The following PHTF2 variants were observed in gnomAD, a reference collection of about 807,000 sequenced individuals.
The protein encoded by PHTF2 is putative homeodomain transcription factor 2.
In PHTF2, 60 loss-of-function variants were observed where a neutral mutation model predicts 101.2. That is an observed-to-expected ratio of 0.59 (90% CI 0.48 to 0.73). The LOEUF is 0.73. Among genes scored for constraint, PHTF2 ranks in the 30% least tolerant of loss-of-function variants. The pLI is 0.00. For missense variants in PHTF2, 747 were observed against 908.7 expected (o/e 0.82, Z 2.29); for synonymous variants, 311 against 307.3 (o/e 1.01, Z -0.13).
chr7:77,940,756 A>G (rs1805576947), intron 15 of PHTF2, 97 bp downstream of exon 14: 1 of 813,214 alleles, frequency 1.2e-6, no homozygotes, highest in Non-Finnish European at 1.8e-6. Context: ...ATGTATAGTA[A>G]CCAGCTTTTA....
intron 1 of PHTF2, among the ~76,000 whole-genome samples, chr7:77,833,656 C>T (rs1343917867): frequency 6.6e-6 from 1 of 152,040 alleles, no homozygotes; most frequent in Non-Finnish European, 1.5e-5. Context: ...GTGTGATATA[C>T]TTCTCAGCAG....
chr7:77,937,639 C>A (rs990161599), intron 12 of PHTF2, 71 bp from the exon 12 acceptor site: 1 of 520,276 alleles, frequency 1.9e-6, no homozygotes, highest in Non-Finnish European at 3.1e-6. Context: ...GATATATATA[C>A]AACTTTATAT....
chr7:77,829,436 T>G (rs1379362795), intron 1 of PHTF2, among the ~76,000 whole-genome samples: 1 of 152,254 alleles, frequency 6.6e-6, no homozygotes, highest in African/African-American at 2.4e-5. Flanking sequence ...GCATTTTGTT[T>G]AAAATTACAA....
At chr7:77,877,951 G>C (rs1017215912) in intron 3 of PHTF2, among the ~76,000 whole-genome samples, 1 of 152,162 alleles carries the variant, frequency 6.6e-6, no homozygotes, top group Non-Finnish European at 1.5e-5. Flanking sequence ...TTGGGGGAAG[G>C]GGATGTGCAG....
intron 2 of PHTF2, among the ~76,000 whole-genome samples, chr7:77,847,692 ATTTC>A (rs1193593097): frequency 2.6e-5 from 4 of 152,196 alleles, no homozygotes; most frequent in Non-Finnish European, 5.9e-5. Context: ...AGCATTTATC[ATTTC>A]TTTGTGTTCC....
At chr7:77,880,222 A>G (rs1433044314) in intron 3 of PHTF2, among the ~76,000 whole-genome samples, 6 of 152,174 alleles carry the variant, frequency 3.9e-5, no homozygotes, top group Non-Finnish European at 4.4e-5. Context: ...GCCATAATGT[A>G]TTTATTAAGC....
At chr7:77,895,546 A>G (rs984169794) in intron 5 of PHTF2, among the ~76,000 whole-genome samples, 22 of 152,154 alleles carry the variant, frequency 1.4e-4, no homozygotes, top group Admixed American at 1.3e-3. Context: ...TTGAGAGGTT[A>G]TGTTATCAGG....
chr7:77,802,775 C>T (rs115601534), intron 1 of PHTF2, among the ~76,000 whole-genome samples: 2,038 of 152,272 alleles, frequency 0.013, 50 homozygotes, highest in African/African-American at 0.046. Flanking sequence ...AAGTGATTTT[C>T]CCATCTTGGC....
rs184850548 is a variant in PHTF2 at position 77,813,497 on chromosome 7, A to T, written c.-36+14526A>T. On this transcript the variant is annotated intron_variant, in intron 1 of 19. Transcript: ENST00000416283. ...AAGATGATTGGATTAAAGAGAGGAG[A>T]TGGAGAAGTGGGAGTAGATAGCAGT... is the stretch of plus-strand genomic sequence containing the variant. Among the ~76,000 whole-genome samples, 11 of 152,298 alleles carry T rather than the reference A, an allele frequency of 7.2e-5. No individual in the cohort carries two copies. The East Asian group carries it at 1.7e-3, about 24-fold the overall frequency.
intron 11 of PHTF2, among the ~76,000 whole-genome samples, chr7:77,924,904 A>G (rs1406735712): frequency 6.6e-6 from 1 of 152,090 alleles, no homozygotes; most frequent in Non-Finnish European, 1.5e-5. Flanking sequence ...TTTTTCTACT[A>G]TCTACTGTAT....
At chr7:77,935,470 C>G (rs554204188) in intron 12 of PHTF2, among the ~76,000 whole-genome samples, 20 of 152,242 alleles carry the variant, frequency 1.3e-4, no homozygotes, top group African/African-American at 4.6e-4. Context: ...CGTGATCCGC[C>G]CACCTCAGCC....
intron 12 of PHTF2, among the ~76,000 whole-genome samples, chr7:77,934,549 T>G (rs1007118068): frequency 2.0e-5 from 3 of 152,242 alleles, no homozygotes; most frequent in Admixed American, 1.3e-4. Context: ...GCAGTTGAGA[T>G]TTTAAGTGAG....
At chr7:77,948,187 A>G (rs933318880) in intron 16 of PHTF2, among the ~76,000 whole-genome samples, 1 of 152,064 alleles carries the variant, frequency 6.6e-6, no homozygotes, top group African/African-American at 2.4e-5. Flanking sequence ...TAGAACCTTC[A>G]GATGAGAGAC....
intron 11 of PHTF2, chr7:77,923,779 C>G: frequency 1.0e-6 from 1 of 984,818 alleles, no homozygotes; most frequent in Non-Finnish European, 1.2e-6. Context: ...TGTTTGACCC[C>G]TCTCCCAGAA....
chr7:77,904,108 T>G (rs1339965233), intron 7 of PHTF2, among the ~76,000 whole-genome samples: 3 of 152,228 alleles, frequency 2.0e-5, no homozygotes, highest in African/African-American at 7.2e-5. Flanking sequence ...ACCAGCTGCT[T>G]AAGATCTAAA....
intron 1 of PHTF2, among the ~76,000 whole-genome samples, chr7:77,836,816 C>T (rs1170177714): frequency 1.5e-5 from 2 of 136,842 alleles, no homozygotes; most frequent in Non-Finnish European, 3.1e-5. Context: ...CAGGGCCGGT[C>T]GGGGTGGGGG....
intron 12 of PHTF2, among the ~76,000 whole-genome samples, chr7:77,933,237 C>CA (rs572179193): frequency 6.8e-4 from 104 of 151,860 alleles, no homozygotes; most frequent in African/African-American, 2.3e-3. Context: ...GACTCCGTCT[C>CA]AAAAAAATAA....
At chr7:77,929,664 A>G (rs1804382255) in intron 12 of PHTF2, among the ~76,000 whole-genome samples, 1 of 152,178 alleles carries the variant, frequency 6.6e-6, no homozygotes, top group African/African-American at 2.4e-5. Flanking sequence ...TCACAAATCT[A>G]CATCTCATGA....
rs141823465 is a variant in PHTF2, at chr7:77,950,608, T to C, written c.2115+775T>C. Among the ~76,000 whole-genome samples the C allele has an allele frequency of 5.0e-3, 763 of 152,254 alleles. 11 individuals are homozygous for C. Among genetic ancestry groups the C allele is most frequent in the African/African-American group, 0.017 (709 of 41,534 alleles). On this transcript the variant is annotated intron_variant, in intron 17 of 19. Coordinates refer to ENST00000416283, the Ensembl canonical transcript of PHTF2. ...CCCCGGAGGTTGCAGTGAGCTGAGA[T>C]TGTGCCACTGCACTCCAGCCTAGGC...
Sources: gnomAD v4.1 joint callset for allele counts (sites outside exome capture counted in the v4.1 genomes callset) on GRCh38, gnomAD v4.1.1 for gene constraint, MANE v1.5 for transcripts, NCBI Gene and HGNC (gene_info 2026-07-23, HGNC 2026-07-21) for gene names.